The following KCNQ1 variants were observed in gnomAD, a reference collection of about 807,000 sequenced individuals.
KCNQ1 encodes the protein potassium voltage-gated channel subfamily Q member 1, also known as potassium voltage-gated channel subfamily KQT member 1.
Under a neutral mutation model 72.4 loss-of-function variants are expected in KCNQ1, and 49 were observed. That is an observed-to-expected ratio of 0.68 (90% confidence interval 0.54 to 0.86). KCNQ1 has a LOEUF of 0.86. Ranked by LOEUF, KCNQ1 falls within the 40% of genes least tolerant of loss-of-function variation. The pLI, the probability that KCNQ1 is intolerant of heterozygous loss-of-function variation, is 0.00. For missense variants in KCNQ1, 790 were observed against 945.1 expected (o/e 0.84, Z 2.15); for synonymous variants, 450 against 412.6 (o/e 1.09, Z -1.10).
In KCNQ1 at chr11:2,602,687, A is replaced by C. The variant is rs982973047; in HGVS notation, c.1393+13833A>C. On this transcript the variant is annotated intron_variant, in intron 10 of 15. Coordinates refer to ENST00000155840, the MANE Select transcript of KCNQ1 (RefSeq NM_000218.3). This position sits in a 1 kb window ranked among gnomAD's most constrained non-coding sequence, Gnocchi z 4.8. ...TTTCCTCATTAGGATGATACTGAAC[A>C]TCTTTTCATGTGCCTGTTTGCCATT... Among the ~76,000 whole-genome samples, 1 of 152,168 alleles carries C rather than the reference A, an allele frequency of 6.6e-6. No homozygotes were observed. The highest frequency in any genetic ancestry group is 2.4e-5 in the African/African-American group (1 of 41,442).
intron 7 of KCNQ1, 137 bp from the exon 8 acceptor site, chr11:2,585,075 G>A (rs1207335661): frequency 2.6e-5 from 20 of 775,802 alleles, no homozygotes; most frequent in African/African-American, 5.1e-5. Flanking sequence ...GGCTGGGCCC[G>A]AGGTGGGACT....
At chr11:2,825,184 G>A (rs974687682) in intron 15 of KCNQ1, among the ~76,000 whole-genome samples, 4 of 152,212 alleles carry the variant, frequency 2.6e-5, no homozygotes, top group African/African-American at 9.7e-5. Flanking sequence ...GGCGGGACTG[G>A]GGCTGGGGCC....
chr11:2,797,076 C>T (rs1370184911), intron 15 of KCNQ1, among the ~76,000 whole-genome samples: 1 of 152,230 alleles, frequency 6.6e-6, no homozygotes, highest in African/African-American at 2.4e-5. Context: ...GCATTGTTCA[C>T]GGCCTCACCT....
At chr11:2,577,921 A>T (rs1478718913) in intron 6 of KCNQ1, among the ~76,000 whole-genome samples, 2 of 150,920 alleles carry the variant, frequency 1.3e-5, no homozygotes, top group Non-Finnish European at 3.0e-5. Flanking sequence ...CCACCCCCCT[A>T]GGCCCCTTTC....
intron 11 of KCNQ1, chr11:2,667,198 C>A (rs537626198): frequency 2.5e-6 from 1 of 398,728 alleles, no homozygotes; most frequent in African/African-American, 2.1e-5. Context: ...CTGTGGCGGC[C>A]CCCCGTGGCC....
intron 11 of KCNQ1, among the ~76,000 whole-genome samples, chr11:2,738,681 G>T (rs932883671): frequency 2.6e-5 from 4 of 152,340 alleles, no homozygotes; most frequent in African/African-American, 7.2e-5. Flanking sequence ...GTTCAGGGGT[G>T]GGGTGGATGT....
At chr11:2,521,482 C>G (rs1260715873) in intron 1 of KCNQ1, 4 of 467,688 alleles carry the variant, frequency 8.6e-6, no homozygotes, top group Non-Finnish European at 4.5e-6. Flanking sequence ...TTTACAGATT[C>G]AAGAAATTAA....
At chr11:2,575,900 C>T (rs768796236) in intron 6 of KCNQ1, among the ~76,000 whole-genome samples, 2 of 152,224 alleles carry the variant, frequency 1.3e-5, no homozygotes, top group Non-Finnish European at 2.9e-5. Context: ...GAGCCCGAAG[C>T]GAGGTGTGCA....
At chr11:2,749,374 T>G in intron 11 of KCNQ1, among the ~76,000 whole-genome samples, 1 of 152,118 alleles carries the variant, frequency 6.6e-6, no homozygotes, top group Non-Finnish European at 1.5e-5. Context: ...TCACTCAGTC[T>G]GCACTGGGAA....
chr11:2,732,984 A>C (rs1030653990), intron 11 of KCNQ1, among the ~76,000 whole-genome samples: 1 of 152,050 alleles, frequency 6.6e-6, no homozygotes, highest in Admixed American at 6.5e-5. Context: ...CACAGGCAGC[A>C]AGCCAGCCAG....
At chr11:2,500,267 T>C (rs10832175) in intron 1 of KCNQ1, among the ~76,000 whole-genome samples, 78,507 of 152,044 alleles carry the variant, frequency 0.52, 22,564 homozygotes, top group Non-Finnish European at 0.64. Flanking sequence ...AAAAAACATA[T>C]GAAAATGTGC....
Position 2,686,481 on chromosome 11 carries a change from AC to A in KCNQ1, c.1514+24405del, listed in dbSNP as rs1029345952. ...TGTTTTGAAATAATTCCCAACAGAT[AC>A]CCCCACCCTCACCCAGTGTTGAGTC... On this transcript the variant is annotated intron_variant, in intron 11 of 15. Coordinates refer to ENST00000155840, the MANE Select transcript of KCNQ1 (RefSeq NM_000218.3). 3 of 398,228 alleles carry A rather than the reference AC, an allele frequency of 7.5e-6. No individual in the cohort carries two copies. The East Asian group carries it at 1.1e-4, about 14-fold the overall frequency. 24.7% of individuals were successfully genotyped at this position (398,228 alleles called of 1,614,324 possible).
At chr11:2,577,566 G>A (rs1429947793) in intron 6 of KCNQ1, among the ~76,000 whole-genome samples, 1 of 152,322 alleles carries the variant, frequency 6.6e-6, no homozygotes, top group East Asian at 1.9e-4. Flanking sequence ...GTGACGGGGA[G>A]GCCTGGCCCT....
At chr11:2,505,163 C>T (rs569575917) in intron 1 of KCNQ1, among the ~76,000 whole-genome samples, 36 of 152,058 alleles carry the variant, frequency 2.4e-4, no homozygotes, top group Non-Finnish European at 4.0e-4. Context: ...CAACCCATCA[C>T]CTAGGTGTTA....
chr11:2,773,520 G>A (rs1009390092), intron 12 of KCNQ1, among the ~76,000 whole-genome samples: 1 of 150,400 alleles, frequency 6.6e-6, no homozygotes, highest in African/African-American at 2.4e-5. Context: ...GGAGGATCAG[G>A]GCTCAGCATC....
At position 2,767,060 on chromosome 11, in the gene KCNQ1, C is replaced by T. The variant is rs1846510686; in HGVS notation, c.1515-1784C>T. On this transcript the variant is annotated intron_variant, in intron 11 of 15. Coordinates refer to ENST00000155840, the MANE Select transcript of KCNQ1 (RefSeq NM_000218.3). This position sits in a 1 kb window ranked among gnomAD's most constrained non-coding sequence, Gnocchi z 4.6. ...GGCATGGTGGTGTGCACCTGCTACT[C>T]AGGAGGCTGAGGCAGAAAAATCACT... Among the ~76,000 whole-genome samples, 1 of 152,182 alleles carries T rather than the reference C, an allele frequency of 6.6e-6. No individual in the cohort carries two copies. The highest frequency in any genetic ancestry group is 2.4e-5 in the African/African-American group (1 of 41,452).
At chr11:2,456,832 G>T (rs1479514138) in intron 1 of KCNQ1, among the ~76,000 whole-genome samples, 16 of 148,060 alleles carry the variant, frequency 1.1e-4, no homozygotes, top group African/African-American at 3.7e-4. Context: ...CCAGCTACTC[G>T]GGAGGCTGAG....
intron 1 of KCNQ1, among the ~76,000 whole-genome samples, chr11:2,511,239 G>A (rs1175490549): frequency 6.6e-6 from 1 of 152,098 alleles, no homozygotes; most frequent in East Asian, 1.9e-4. Flanking sequence ...GAGGAGACGT[G>A]GGGTGGGGAA....
chr11:2,569,025 C>G (rs1421689430), intron 2 of KCNQ1, among the ~76,000 whole-genome samples: 1 of 152,146 alleles, frequency 6.6e-6, no homozygotes, highest in Non-Finnish European at 1.5e-5. Flanking sequence ...GCTGGGATTA[C>G]AGGGCGTGCG....
Sources: allele counts gnomAD v4.1 joint callset (sites outside exome capture counted in the v4.1 genomes callset), GRCh38; gene constraint gnomAD v4.1.1; non-coding constraint Gnocchi (gnomAD v3.1); transcripts MANE v1.5; gene names NCBI Gene and HGNC (gene_info 2026-07-23, HGNC 2026-07-21).